The following TNNI3K variants were observed in gnomAD, a reference collection of about 807,000 sequenced individuals.
TNNI3K encodes the protein serine/threonine-protein kinase TNNI3K.
A neutral mutation model predicts 114.5 loss-of-function variants in TNNI3K; 140 were observed. The observed-to-expected ratio is 1.22, with a 90% CI of 1.07 to 1.41. The LOEUF (loss-of-function observed/expected upper bound fraction) is 1.41, where lower values mean the gene tolerates loss of function less well. TNNI3K is among the 40% of genes most tolerant of loss of function. The pLI, the probability that TNNI3K is intolerant of heterozygous loss-of-function variation, is 0.00. For missense variants in TNNI3K, 1,125 were observed against 1,007.6 expected (o/e 1.12, Z -1.58); for synonymous variants, 347 against 347.5 (o/e 1.00, Z 0.02).
chr1:74,349,074 T>C (rs963545075), intron 9 of TNNI3K, among the ~76,000 whole-genome samples: 38 of 152,124 alleles, frequency 2.5e-4, no homozygotes, highest in African/African-American at 7.0e-4. Context: ...TGTCTTGTGC[T>C]GGTTTTCAAA....
At chr1:74,503,274 A>G (rs1243619827) in intron 23 of TNNI3K, among the ~76,000 whole-genome samples, 1 of 152,194 alleles carries the variant, frequency 6.6e-6, no homozygotes, top group Non-Finnish European at 1.5e-5. Flanking sequence ...CTTTTAGCTA[A>G]TTCTACTTAG....
At chr1:74,529,736 T>G (rs2100436343) in intron 23 of TNNI3K, among the ~76,000 whole-genome samples, 1 of 152,340 alleles carries the variant, frequency 6.6e-6, no homozygotes, top group African/African-American at 2.4e-5. Flanking sequence ...GTGGCAACTT[T>G]TCTTTATGTT....
chr1:74,288,124 G>A (rs764699080), intron 5 of TNNI3K, among the ~76,000 whole-genome samples: 5 of 151,846 alleles, frequency 3.3e-5, no homozygotes, highest in African/African-American at 9.7e-5. Flanking sequence ...AAAGTGAAAC[G>A]GTACAGCAGT....
At chr1:74,436,046 C>T (rs374708691) in intron 17 of TNNI3K, 34 bp from the exon 18 acceptor site, 2 of 1,569,666 alleles carry the variant, frequency 1.3e-6, no homozygotes, top group East Asian at 2.3e-5. Flanking sequence ...AAAGCTTACT[C>T]AATGTCTACT....
chr1:74,510,777 T>G (rs1042054768), intron 23 of TNNI3K, among the ~76,000 whole-genome samples: 21 of 152,226 alleles, frequency 1.4e-4, no homozygotes, highest in Admixed American at 6.5e-4. Flanking sequence ...CACAAATGTG[T>G]GTTGATTTCC....
At chr1:74,312,480 A>G (rs772054791) in intron 5 of TNNI3K, among the ~76,000 whole-genome samples, 1 of 152,270 alleles carries the variant, frequency 6.6e-6, no homozygotes, top group Non-Finnish European at 1.5e-5. Context: ...TAAACAGGGT[A>G]TCTTCTACTG....
At chr1:74,252,825 G>C (rs1011503603) in intron 4 of TNNI3K, among the ~76,000 whole-genome samples, 7 of 152,320 alleles carry the variant, frequency 4.6e-5, no homozygotes, top group Admixed American at 3.3e-4. Flanking sequence ...GACCCAAAGA[G>C]TGAGCAGTAG....
chr1:74,417,398 C>T (rs1665169915), intron 17 of TNNI3K, among the ~76,000 whole-genome samples: 1 of 152,132 alleles, frequency 6.6e-6, no homozygotes, highest in Non-Finnish European at 1.5e-5. Flanking sequence ...ACCCCATTAA[C>T]AGATGACTTT....
intron 11 of TNNI3K, among the ~76,000 whole-genome samples, chr1:74,360,013 C>A (rs1661871658): frequency 6.6e-6 from 1 of 151,950 alleles, no homozygotes; most frequent in Non-Finnish European, 1.5e-5. Flanking sequence ...TCCTCAACTT[C>A]TCCTCCCACC....
chr1:74,371,239 TTACTC>T (rs1272282994), intron 17 of TNNI3K: 1 of 151,884 alleles, frequency 6.6e-6, no homozygotes, highest in Non-Finnish European at 1.5e-5. Flanking sequence ...TAAATATTGA[TTACTC>T]TAGTCAGTCA....
At chr1:74,345,659 C>T (rs1408368981) in intron 9 of TNNI3K, among the ~76,000 whole-genome samples, 1 of 152,110 alleles carries the variant, frequency 6.6e-6, no homozygotes, top group Non-Finnish European at 1.5e-5. Context: ...TGGGGCTTTG[C>T]CCAGTGCTAG....
intron 9 of TNNI3K, among the ~76,000 whole-genome samples, chr1:74,343,745 G>C (rs1406512458): frequency 6.6e-6 from 1 of 152,018 alleles, no homozygotes; most frequent in Non-Finnish European, 1.5e-5. Flanking sequence ...GTGTGCTCTA[G>C]AAAAGCACAC....
rs114749314 is a variant in TNNI3K, at chr1:74,286,275, G to C, written c.444+14567G>C. Among the ~76,000 whole-genome samples the C allele has an allele frequency of 7.9e-3, 1,208 of 152,210 alleles. 6 individuals carry two copies. Among genetic ancestry groups the C allele is most frequent in the Non-Finnish European group, 0.013 (894 of 68,004 alleles). On this transcript the variant is annotated intron_variant, in intron 5 of 24. Coordinates refer to ENST00000326637, the MANE Select transcript of TNNI3K (RefSeq NM_015978.3). ...AACCAGGCCAGTCCTCATGTCCCCAGACCTCTCTCTGGCCCCCATGGACCC... is the reference window on the plus strand; with the variant it reads ...AACCAGGCCAGTCCTCATGTCCCCACACCTCTCTCTGGCCCCCATGGACCC...
At chr1:74,520,624 A>T (rs1156445319) in intron 23 of TNNI3K, among the ~76,000 whole-genome samples, 1 of 151,980 alleles carries the variant, frequency 6.6e-6, no homozygotes, top group Non-Finnish European at 1.5e-5. Context: ...CAAAAAAAAA[A>T]TGGGAAAAAT....
chr1:74,368,122 C>T lies in TNNI3K; in HGVS notation c.1321+158C>T, dbSNP rs575596227. ...CCGTTCTTTTCATAATTAACCTTAC[C>T]CTTTATCTCCTTTCAGTGCATAAAG... On this transcript the variant is annotated intron_variant, in intron 13 of 24. Transcript: ENST00000326637. 3.3e-5 allele frequency among the ~76,000 whole-genome samples: 5 copies of T among 151,846 alleles called. No homozygotes were observed. The South Asian group carries it at 6.2e-4, about 19-fold the overall frequency.
chr1:74,358,971 AT>A (rs1037649198), intron 11 of TNNI3K, among the ~76,000 whole-genome samples: 76 of 152,066 alleles, frequency 5.0e-4, no homozygotes, highest in African/African-American at 1.7e-3. Context: ...AACCCTTTAA[AT>A]TTTTATTATC....
chr1:74,337,024 T>A (rs1381781185), intron 7 of TNNI3K, among the ~76,000 whole-genome samples: 1 of 150,938 alleles, frequency 6.6e-6, no homozygotes, highest in Non-Finnish European at 1.5e-5. Flanking sequence ...GTTTCCTGAC[T>A]TTGTAATGAT....
At chr1:74,313,622 C>G (rs1659120741) in intron 5 of TNNI3K, among the ~76,000 whole-genome samples, 2 of 152,264 alleles carry the variant, frequency 1.3e-5, no homozygotes, top group Non-Finnish European at 2.9e-5. Flanking sequence ...CCAACTACTG[C>G]ATTCCCTCCA....
chr1:74,360,219 G>C (rs912860859), intron 11 of TNNI3K, among the ~76,000 whole-genome samples: 2 of 151,678 alleles, frequency 1.3e-5, no homozygotes, highest in African/African-American at 4.8e-5. Context: ...ACTGTAGACT[G>C]AGAGATATAT....
Sources: allele counts gnomAD v4.1 joint callset (sites outside exome capture counted in the v4.1 genomes callset), GRCh38; gene constraint gnomAD v4.1.1; transcripts MANE v1.5; gene names NCBI Gene and HGNC (gene_info 2026-07-23, HGNC 2026-07-21).